C2CD3: variants seen among roughly 807,000 people sequenced by gnomAD.
The protein encoded by C2CD3 is C2 domain containing 3 centriole elongation regulator, also known as C2 domain-containing protein 3.
In C2CD3, 148 loss-of-function variants were observed where a neutral mutation model predicts 234.0. The observed-to-expected ratio is 0.63, with a 90% CI of 0.55 to 0.72. The LOEUF (loss-of-function observed/expected upper bound fraction) is 0.72, where lower values mean the gene tolerates loss of function less well. Among genes scored for constraint, C2CD3 ranks in the 30% least tolerant of loss-of-function variants. The pLI, the probability that C2CD3 is intolerant of heterozygous loss-of-function variation, is 0.00. For synonymous variants in C2CD3, 1,000 were observed against 1,035.4 expected (o/e 0.97, Z 0.66); for missense variants, 2,577 against 2,811.5 (o/e 0.92, Z 1.89).
At chr11:74,133,301 C>T in intron 6 of C2CD3, 124 bp downstream of exon 6, 1 of 869,908 alleles carries the variant, frequency 1.1e-6, no homozygotes, top group Non-Finnish European at 1.8e-6. Flanking sequence ...GGCTTCTTTC[C>T]CACCACATCA....
chr11:74,146,905 T>C (rs894110000), intron 3 of C2CD3, among the ~76,000 whole-genome samples: 1 of 151,486 alleles, frequency 6.6e-6, no homozygotes, highest in Admixed American at 6.6e-5. Context: ...ATACAAAAAT[T>C]AGATGGGCGT....
chr11:74,096,538 T>C (rs1240705673), intron 16 of C2CD3, among the ~76,000 whole-genome samples: 1 of 152,164 alleles, frequency 6.6e-6, no homozygotes, highest in Non-Finnish European at 1.5e-5. Flanking sequence ...CCTTATAGTA[T>C]CACAGCAATT....
chr11:74,034,466 A>G, intron 30 of C2CD3, 188 bp from the exon 31 acceptor site: 5 of 1,557,004 alleles, frequency 3.2e-6, no homozygotes. Flanking sequence ...CTTTATTCTA[A>G]TATCAGAGGA....
chr11:74,100,789 T>TAACA, intron 14 of C2CD3, 113 bp from the exon 15 acceptor site: 5 of 865,332 alleles, frequency 5.8e-6, no homozygotes, highest in Non-Finnish European at 8.8e-6. Flanking sequence ...CACACAGTGT[T>TAACA]ATGAGCTAAA....
At chr11:74,113,644 C>T (rs1295525419) in intron 11 of C2CD3, 136 bp downstream of exon 11, 1 of 678,096 alleles carries the variant, frequency 1.5e-6, no homozygotes, top group Admixed American at 2.1e-5. Context: ...TGCGCCACCA[C>T]ACTCCAGCCT....
intron 28 of C2CD3, among the ~76,000 whole-genome samples, chr11:74,046,673 T>C (rs924767016): frequency 1.3e-5 from 2 of 152,174 alleles, no homozygotes; most frequent in Non-Finnish European, 2.9e-5. Context: ...AGCATAATTA[T>C]TTTTATATTC....
chr11:74,119,697 G>A (rs994492545), intron 8 of C2CD3, among the ~76,000 whole-genome samples: 3 of 149,860 alleles, frequency 2.0e-5, no homozygotes, highest in South Asian at 2.1e-4. Context: ...GTGCAGTGGC[G>A]CAATCTCCGC....
At chr11:74,031,231 C>T (rs1285262260) in intron 31 of C2CD3, among the ~76,000 whole-genome samples, 1 of 152,206 alleles carries the variant, frequency 6.6e-6, no homozygotes. Flanking sequence ...CTATTATCAC[C>T]TCCATTTTAC....
rs185598687 is a variant in C2CD3 at position 74,112,008 on chromosome 11, A to G, written c.1843+1772T>C. Among the ~76,000 whole-genome samples the G allele has an allele frequency of 4.4e-3, 673 of 151,852 alleles. 5 individuals carry two copies. Among genetic ancestry groups the G allele is most frequent in the Admixed American group, 0.012 (183 of 15,186 alleles). On this transcript the variant is annotated intron_variant, in intron 11 of 32. Coordinates refer to ENST00000334126, the MANE Select transcript of C2CD3 (RefSeq NM_001286577.2). ...CACACACATTATCTATCTATCTATA[A>G]TGGCTTAAGGAAGGATATAAAAGCA...
In C2CD3 at chr11:74,090,789, AT is replaced by A. The variant is rs1182235453; in HGVS notation, c.3641+23del. 4.3e-6 allele frequency: 7 copies of A among 1,613,802 alleles called. No homozygotes were observed. The South Asian group carries it at 7.7e-5, about 18-fold the overall frequency. ...TGATTGCAGTGTAAAAGGCTTGAGA[AT>A]TGCTTGTCTCAGGTGGACTTACTTG... is the stretch of plus-strand genomic sequence containing the variant. On this transcript the variant is annotated intron_variant, in intron 20 of 32. Coordinates refer to ENST00000334126, the MANE Select transcript of C2CD3 (RefSeq NM_001286577.2).
chr11:74,097,858 A>T, intron 16 of C2CD3, 151 bp downstream of exon 16: 1 of 683,224 alleles, frequency 1.5e-6, no homozygotes, highest in South Asian at 2.1e-5. Flanking sequence ...ATTACCAATG[A>T]TTCCTTTGAT....
chr11:74,129,686 A>C (rs1270005258), intron 7 of C2CD3: 5 of 172,384 alleles, frequency 2.9e-5, no homozygotes, highest in African/African-American at 1.1e-4. Flanking sequence ...GGCCGGGCAG[A>C]GGCTGCAATC....
rs149638980 is a variant in C2CD3 at position 74,077,043 on chromosome 11, G to A, written c.4603+1072C>T. ...ACAAGTACTAAACAAATGTTTGAAA[G>A]AAAAGCACCCAGCACAAAAATGCCA... is the stretch of plus-strand genomic sequence containing the variant. On this transcript the variant is annotated intron_variant, in intron 23 of 32. Coordinates refer to ENST00000334126, the MANE Select transcript of C2CD3 (RefSeq NM_001286577.2). Among the ~76,000 whole-genome samples, 14 of 152,172 alleles carry A rather than the reference G, an allele frequency of 9.2e-5. No homozygotes were observed. The East Asian group carries it at 2.7e-3, about 29-fold the overall frequency.
intron 3 of C2CD3, among the ~76,000 whole-genome samples, chr11:74,160,175 C>T (rs779813392): frequency 6.6e-6 from 1 of 152,044 alleles, no homozygotes; most frequent in Non-Finnish European, 1.5e-5. Flanking sequence ...CACTGACGTT[C>T]GCACAAGGAT....
At position 74,028,636 on chromosome 11, in the gene C2CD3, T is replaced by C. The variant is rs78309747; in HGVS notation, c.6810-238A>G. On this transcript the variant is annotated intron_variant, in intron 31 of 32. Coordinates refer to ENST00000334126, the MANE Select transcript of C2CD3 (RefSeq NM_001286577.2). The stretch of plus-strand genomic sequence containing the variant: ...CCTCCTCTAGGAAGCTTTCTCTTAA[T>C]CTTAGCCCCACAGTGATCCCTCCTT... Among the ~76,000 whole-genome samples the C allele has an allele frequency of 0.054, 8,283 of 152,248 alleles. 739 individuals carry two copies. Among genetic ancestry groups the C allele is most frequent in the African/African-American group, 0.19 (7,786 of 41,506 alleles).
Position 74,074,368 on chromosome 11 carries a change from G to C in C2CD3, c.4836C>G (p.Val1612=), listed in dbSNP as rs759877211. 3 of 1,614,206 alleles carry C rather than the reference G, an allele frequency of 1.9e-6. No individual in the cohort carries two copies. The highest frequency in any genetic ancestry group is 1.3e-5 in the African/African-American group (1 of 75,056). The change falls in exon 24 of 33, where the codon GTC becomes GTG. Residue 1612 remains valine (V), a synonymous_variant. Coordinates refer to ENST00000334126, the MANE Select transcript of C2CD3 (RefSeq NM_001286577.2). ...CTTCAGCTGTGGTGCTGCTGCAGGG[G>C]ACCTGGGTGGAGGCAGGAGACTTCT... ...CHQKSPASTQ[V]PCSSTTAEVR... is the part of the protein sequence containing the mutation.
At position 74,170,756 on chromosome 11, in the gene C2CD3, G is replaced by A; in HGVS notation, c.37C>T (p.Arg13Cys). Residue 13 changes from arginine to cysteine, a missense_variant, in exon 1 of 33, where the codon CGT (arginine) becomes TGT (cysteine). By Grantham distance (180) the Arg-to-Cys change is radical. Transcript: ENST00000334126. The stretch of plus-strand genomic sequence containing the variant: ...AGGTTACCTCTTTTTTTGCGCCCAC[G>A]GCTGCCCCCAGACCCTTGGCCTTTT... Reference protein sequence around the residue: ...QRKGQGSGGSRGRKKRGLSDI... With the variant: ...QRKGQGSGGSCGRKKRGLSDI... The A allele has an allele frequency of 2.5e-6, 4 of 1,613,922 alleles. No homozygotes were observed. The highest frequency in any genetic ancestry group is 1.7e-4 in the Middle Eastern group (1 of 6,060).
At chr11:74,150,601 C>T (rs1414505126) in intron 3 of C2CD3, among the ~76,000 whole-genome samples, 2 of 149,670 alleles carry the variant, frequency 1.3e-5, no homozygotes, top group Non-Finnish European at 3.0e-5. Context: ...TACTTATTAT[C>T]CAGCTTCAAC....
chr11:74,049,235 A>G, intron 27 of C2CD3, 102 bp downstream of exon 27: 3 of 939,344 alleles, frequency 3.2e-6, no homozygotes, highest in Non-Finnish European at 5.0e-6. Flanking sequence ...CATATAGTAT[A>G]TAACGTATTC....
Sources: allele counts gnomAD v4.1 joint callset (sites outside exome capture counted in the v4.1 genomes callset), GRCh38; gene constraint gnomAD v4.1.1; transcripts MANE v1.5; gene names NCBI Gene and HGNC (gene_info 2026-07-23, HGNC 2026-07-21).